The following HM13 variants were observed in gnomAD, a reference collection of about 807,000 sequenced individuals.
HM13 encodes the protein histocompatibility minor 13, also known as signal peptide peptidase.
HM13 carries 18 observed loss-of-function variants against 50.0 expected under a neutral mutation model. The ratio of observed to expected loss-of-function variants is 0.36; its 90% CI spans 0.25 to 0.53. The LOEUF (loss-of-function observed/expected upper bound fraction) is 0.53. Among genes scored for constraint, HM13 ranks in the 20% least tolerant of loss-of-function variants. The pLI, the probability that HM13 is intolerant of heterozygous loss-of-function variation, is 0.90. For synonymous variants in HM13, 197 were observed against 232.6 expected, an observed-to-expected ratio of 0.85 and a Z score of 1.39; for missense variants, 393 against 552.4, an observed-to-expected ratio of 0.71 and a Z score of 2.89.
chr20:31,554,447 T>A, intron 7 of HM13: 5 of 216,100 alleles, frequency 2.3e-5, no homozygotes, highest in South Asian at 1.4e-4. Context: ...CTTTGGGAGG[T>A]CGAGGCGGGA....
At chr20:31,546,629 C>T (rs565060579) in intron 4 of HM13, among the ~76,000 whole-genome samples, 2 of 151,926 alleles carry the variant, frequency 1.3e-5, no homozygotes, top group South Asian at 4.2e-4. Context: ...TGGCGTGTAC[C>T]TGTAATCCTA....
intron 2 of HM13, chr20:31,535,538 G>C (rs1713660981): frequency 1.3e-5 from 2 of 152,240 alleles, no homozygotes; most frequent in African/African-American, 2.4e-5. Flanking sequence ...TGTGGCCTGA[G>C]AGTGATTTGT....
At position 31,569,458 on chromosome 20, in the gene HM13, G is replaced by A. The variant is rs1985142120; in HGVS notation, c.*239G>A. ...AACCCCCAGCTTCCCCCCTCCCCGGGAGCCAGGTGGGAAAAGTGGGTGTGA... is the reference window on the plus strand; with the variant it reads ...AACCCCCAGCTTCCCCCCTCCCCGGAAGCCAGGTGGGAAAAGTGGGTGTGA... On this transcript the variant is annotated 3_prime_UTR_variant, in exon 13 of 13. Transcript: ENST00000398174. 4.9e-6 allele frequency: 2 copies of A among 404,952 alleles called. No individual in the cohort carries two copies. 25.1% of individuals were successfully genotyped at this position (404,952 alleles called of 1,614,324 possible).
intron 2 of HM13, among the ~76,000 whole-genome samples, chr20:31,536,477 C>T (rs950354882): frequency 2.6e-5 from 4 of 152,140 alleles, no homozygotes; most frequent in Non-Finnish European, 5.9e-5. Context: ...TCCCTGCTTC[C>T]ACTCTAGCCC....
chr20:31,558,552 C>T (rs573808491), intron 8 of HM13, among the ~76,000 whole-genome samples: 3 of 82,728 alleles, frequency 3.6e-5, no homozygotes, highest in Admixed American at 3.0e-4. Flanking sequence ...GCTGTTCTCT[C>T]CTCCTGGCGT....
At chr20:31,516,968 G>A (rs1568776439) in intron 1 of HM13, among the ~76,000 whole-genome samples, 1 of 152,196 alleles carries the variant, frequency 6.6e-6, no homozygotes, top group Non-Finnish European at 1.5e-5. Context: ...AGATCACTCT[G>A]CCATTTAGGG....
chr20:31,526,474 T>A (rs1034013494), intron 1 of HM13, among the ~76,000 whole-genome samples: 5 of 152,196 alleles, frequency 3.3e-5, no homozygotes, highest in Non-Finnish European at 1.5e-5. Flanking sequence ...GCATAAATTC[T>A]ATGAAGCTAA....
chr20:31,528,603 TG>T (rs1359553669), intron 2 of HM13, among the ~76,000 whole-genome samples: 7 of 152,202 alleles, frequency 4.6e-5, no homozygotes, highest in African/African-American at 1.7e-4. Context: ...CTCAGCCAGC[TG>T]AGTAGCTAGG....
At chr20:31,524,943 G>A (rs945134983) in intron 1 of HM13, among the ~76,000 whole-genome samples, 8 of 151,974 alleles carry the variant, frequency 5.3e-5, no homozygotes, top group African/African-American at 1.9e-4. Context: ...TTGATCTCCT[G>A]ACCTCACGAT....
rs1285276916 is a variant in HM13, at chr20:31,568,415, G to A, written c.1181+191G>A. 1.2e-5 allele frequency: 9 copies of A among 762,386 alleles called. No homozygotes were observed. The East Asian group carries it at 1.7e-4, about 14-fold the overall frequency. 47.2% of individuals were successfully genotyped at this position (762,386 alleles called of 1,614,324 possible). ...GGCTGGGAAGCAGGACAACCCCGAA[G>A]CTTCCTGCCCTCACCAGTAATGCGG... On this transcript the variant is annotated intron_variant, in intron 12 of 12. Transcript: ENST00000398174.
intron 10 of HM13, among the ~76,000 whole-genome samples, chr20:31,565,595 G>A (rs1170848562): frequency 1.3e-5 from 2 of 152,100 alleles, no homozygotes; most frequent in Non-Finnish European, 2.9e-5. Flanking sequence ...GGATGTGGCA[G>A]TGGGCTGACT....
chr20:31,533,349 A>G (rs1453667254), intron 2 of HM13, among the ~76,000 whole-genome samples: 3 of 152,216 alleles, frequency 2.0e-5, no homozygotes, highest in African/African-American at 7.2e-5. Flanking sequence ...CTAAAAATAC[A>G]AAAAAGTTAA....
At chr20:31,559,590 A>G (rs1330638462) in intron 8 of HM13, 21 bp from the exon 9 acceptor site, 1 of 1,613,860 alleles carries the variant, frequency 6.2e-7, no homozygotes, top group South Asian at 1.1e-5. Flanking sequence ...GCCACTCTCT[A>G]ACCCCAGCTT....
intron 6 of HM13, 111 bp downstream of exon 6, chr20:31,549,443 C>A: frequency 7.0e-7 from 1 of 1,434,030 alleles, no homozygotes; most frequent in South Asian, 1.2e-5. Context: ...CTGTTTTGGG[C>A]TGAAGTTCCG....
intron 2 of HM13, among the ~76,000 whole-genome samples, chr20:31,536,751 CCCTT>C (rs1342290709): frequency 1.3e-5 from 2 of 152,302 alleles, no homozygotes; most frequent in African/African-American, 2.4e-5. Flanking sequence ...TGCACCTGCT[CCCTT>C]CGTTTATGAC....
At chr20:31,520,006 C>T (rs1473373626) in intron 1 of HM13, among the ~76,000 whole-genome samples, 1 of 151,858 alleles carries the variant, frequency 6.6e-6, no homozygotes, top group East Asian at 1.9e-4. Context: ...CAGGCGCGCA[C>T]CCACCACACC....
chr20:31,565,258 C>T (rs373096042), intron 10 of HM13, among the ~76,000 whole-genome samples: 3 of 151,772 alleles, frequency 2.0e-5, no homozygotes, highest in Non-Finnish European at 4.4e-5. Context: ...GCAGGTGGAT[C>T]ACCTGAGGTC....
At chr20:31,538,558 AG>A (rs1224194033) in intron 3 of HM13, 52 of 1,335,400 alleles carry the variant, frequency 3.9e-5, no homozygotes, top group Non-Finnish European at 6.7e-6. Flanking sequence ...TACTCAGGTG[AG>A]TAACACCAGT....
At chr20:31,534,430 G>T (rs139728655) in intron 2 of HM13, among the ~76,000 whole-genome samples, 378 of 152,280 alleles carry the variant, frequency 2.5e-3, no homozygotes, top group Non-Finnish European at 4.2e-3. Context: ...GCTCAGGGTA[G>T]TACAAGCAAA....
Sources: gnomAD v4.1 joint callset for allele counts (sites outside exome capture counted in the v4.1 genomes callset) on GRCh38, gnomAD v4.1.1 for gene constraint, MANE v1.5 for transcripts, NCBI Gene and HGNC (gene_info 2026-07-23, HGNC 2026-07-21) for gene names.